SLC25A12: variants seen among roughly 807,000 people sequenced by gnomAD.
The protein encoded by SLC25A12 is solute carrier family 25 member 12.
SLC25A12 carries 32 observed loss-of-function variants against 83.3 expected under a neutral mutation model. The observed-to-expected ratio is 0.38, with a 90% confidence interval of 0.29 to 0.52. The LOEUF (loss-of-function observed/expected upper bound fraction) is 0.52, where lower values mean the gene tolerates loss of function less well. Among genes scored for constraint, SLC25A12 ranks in the 20% least tolerant of loss-of-function variants. The pLI, the probability that SLC25A12 is intolerant of heterozygous loss-of-function variation, is 0.84. For missense variants in SLC25A12, 611 were observed against 835.6 expected (o/e 0.73, Z 3.31); for synonymous variants, 267 against 291.1 (o/e 0.92, Z 0.84).
In SLC25A12 at chr2:171,884,785, A is replaced by G. The variant is rs1302592054; in HGVS notation, c.66+8420T>C. Among the ~76,000 whole-genome samples, 8 of 152,032 alleles carry G rather than the reference A, an allele frequency of 5.3e-5. No homozygotes were observed. The East Asian group carries it at 1.6e-3, about 30-fold the overall frequency. ...AGCAAAACTCTGTCCCCCACCAAAA[A>G]AAAAAAAGAATGTGAGGTTCTACCT... is the stretch of plus-strand genomic sequence containing the variant. On this transcript the variant is annotated intron_variant, in intron 2 of 17. Transcript: ENST00000422440.
chr2:171,828,331 G>T (rs1411235436), intron 8 of SLC25A12, among the ~76,000 whole-genome samples: 1 of 152,186 alleles, frequency 6.6e-6, no homozygotes, highest in Non-Finnish European at 1.5e-5. Flanking sequence ...AGCTCTTCCA[G>T]AACAAACTCA....
At chr2:171,886,573 G>A (rs539565078) in intron 2 of SLC25A12, among the ~76,000 whole-genome samples, 30 of 151,394 alleles carry the variant, frequency 2.0e-4, no homozygotes, top group African/African-American at 4.8e-4. Flanking sequence ...GCAGTGGCGC[G>A]ATCTCGGCTC....
At chr2:171,851,539 CT>C (rs1684933670) in intron 4 of SLC25A12, among the ~76,000 whole-genome samples, 1 of 149,116 alleles carries the variant, frequency 6.7e-6, no homozygotes, top group Non-Finnish European at 1.5e-5. Context: ...GGCAATAGGC[CT>C]TTTTTTCATT....
intron 2 of SLC25A12, among the ~76,000 whole-genome samples, chr2:171,885,357 T>C (rs1330338490): frequency 6.6e-6 from 1 of 151,610 alleles, no homozygotes; most frequent in Admixed American, 6.6e-5. Flanking sequence ...ATGAGAACTC[T>C]ATATAGTTTA....
intron 2 of SLC25A12, among the ~76,000 whole-genome samples, chr2:171,892,107 A>G (rs1685951246): frequency 6.6e-6 from 1 of 152,258 alleles, no homozygotes; most frequent in African/African-American, 2.4e-5. Flanking sequence ...AATACACAGC[A>G]GGGACCTGCC....
intron 13 of SLC25A12, 76 bp downstream of exon 13, chr2:171,809,530 A>C: frequency 9.3e-7 from 1 of 1,071,690 alleles, no homozygotes; most frequent in Non-Finnish European, 1.5e-6. Flanking sequence ...AAATGCCACT[A>C]AGATATCTAT....
chr2:171,846,710 G>T (rs1684804468), intron 4 of SLC25A12, among the ~76,000 whole-genome samples: 1 of 152,120 alleles, frequency 6.6e-6, no homozygotes, highest in African/African-American at 2.4e-5. Context: ...GGAGGCTGAG[G>T]CAGGAGAATT....
In SLC25A12 at chr2:171,827,917, A is replaced by AT. The variant is rs536320679; in HGVS notation, c.846-1036dup. On this transcript the variant is annotated intron_variant, in intron 8 of 17. Coordinates refer to ENST00000422440, the MANE Select transcript of SLC25A12 (RefSeq NM_003705.5). ...GCGGGCACAGGCTAGAGCTATCTCC[A>AT]TGCAGAGCTCCCTACACTCCACAGA... 2.8e-3 allele frequency among the ~76,000 whole-genome samples: 428 copies of AT among 151,224 alleles called. 5 individuals are homozygous for AT. The highest frequency in any genetic ancestry group is 0.01 in the African/African-American group (419 of 41,252).
chr2:171,783,479 C>T lies in SLC25A12; in HGVS notation c.*1795G>A, dbSNP rs142701782. ...ACATTAAGTGAACAAAAGCAAGACA[C>T]AGAATAACACACACATAACATAATC... On this transcript the variant is annotated 3_prime_UTR_variant, in exon 18 of 18. Transcript: ENST00000422440. Among the ~76,000 whole-genome samples the T allele has an allele frequency of 4.6e-5, 7 of 152,236 alleles. No individual in the cohort carries two copies. The highest frequency in any genetic ancestry group is 1.3e-4 in the Admixed American group (2 of 15,296).
At chr2:171,813,753 C>A (rs1300914930) in intron 10 of SLC25A12, among the ~76,000 whole-genome samples, 1 of 152,174 alleles carries the variant, frequency 6.6e-6, no homozygotes, top group Non-Finnish European at 1.5e-5. Flanking sequence ...TCATAAACTA[C>A]AGAGTGGATT....
At chr2:171,791,713 C>T in intron 14 of SLC25A12, 124 bp from the exon 15 acceptor site, 1 of 874,994 alleles carries the variant, frequency 1.1e-6, no homozygotes, top group Non-Finnish European at 1.9e-6. Context: ...CCTGAGGTGT[C>T]CCTTAAACAG....
At chr2:171,844,550 A>G in intron 4 of SLC25A12, 42 bp from the exon 5 acceptor site, 1 of 1,384,762 alleles carries the variant, frequency 7.2e-7, no homozygotes, top group Non-Finnish European at 1.0e-6. Flanking sequence ...TATCTGGAAT[A>G]AGTAGTTTAA....
At chr2:171,786,111 C>A (rs1690483665) in intron 17 of SLC25A12, among the ~76,000 whole-genome samples, 1 of 151,880 alleles carries the variant, frequency 6.6e-6, no homozygotes, top group Non-Finnish European at 1.5e-5. Context: ...CATGGTGGCT[C>A]ACGCCTGTAA....
At chr2:171,869,283 CTT>C (rs1432066554) in intron 2 of SLC25A12, among the ~76,000 whole-genome samples, 2 of 152,084 alleles carry the variant, frequency 1.3e-5, no homozygotes, top group East Asian at 3.8e-4. Context: ...GGTAAATATA[CTT>C]TTTTAAAAAA....
chr2:171,860,908 C>T (rs1161984616), intron 3 of SLC25A12, among the ~76,000 whole-genome samples: 1 of 151,716 alleles, frequency 6.6e-6, no homozygotes, highest in Non-Finnish European at 1.5e-5. Flanking sequence ...ATAGAAAGAC[C>T]CTATCTCTAC....
At chr2:171,865,852 A>T (rs13018433) in intron 3 of SLC25A12, among the ~76,000 whole-genome samples, 119,663 of 151,566 alleles carry the variant, frequency 0.79, 48,258 homozygotes, top group East Asian at 0.91. Flanking sequence ...CAAAAAAAAA[A>T]TTTTTTTTAA....
intron 3 of SLC25A12, among the ~76,000 whole-genome samples, chr2:171,859,019 C>T (rs1685097187): frequency 6.6e-6 from 1 of 152,198 alleles, no homozygotes; most frequent in African/African-American, 2.4e-5. Context: ...AGTGATCTTC[C>T]TCAAAGACAT....
At chr2:171,813,901 T>A (rs952027198) in intron 10 of SLC25A12, among the ~76,000 whole-genome samples, 6 of 152,242 alleles carry the variant, frequency 3.9e-5, no homozygotes, top group Non-Finnish European at 7.3e-5. Flanking sequence ...AATGACTATA[T>A]CCGTACACTA....
chr2:171,862,886 G>T lies in SLC25A12; in HGVS notation c.209+5795C>A, dbSNP rs527518495. Among the ~76,000 whole-genome samples the T allele has an allele frequency of 3.5e-3, 534 of 151,990 alleles. 6 individuals are homozygous for T. Among genetic ancestry groups the T allele is most frequent in the African/African-American group, 0.012 (517 of 41,454 alleles). ...AAGGGGTAGAAAATAGAAAGAGGGA[G>T]AAAAGAGAATATCTTTTTTCTTTTT... is the stretch of plus-strand genomic sequence containing the variant. On this transcript the variant is annotated intron_variant, in intron 3 of 17. Coordinates refer to ENST00000422440, the MANE Select transcript of SLC25A12 (RefSeq NM_003705.5).
Sources: allele counts gnomAD v4.1 joint callset (sites outside exome capture counted in the v4.1 genomes callset), GRCh38; gene constraint gnomAD v4.1.1; transcripts MANE v1.5; gene names NCBI Gene and HGNC (gene_info 2026-07-23, HGNC 2026-07-21).